Variants in RALYL observed in about 807,000 individuals in gnomAD.
RALYL encodes the protein RNA-binding Raly-like protein.
RALYL carries 29 observed loss-of-function variants against 35.1 expected under a neutral mutation model. The ratio of observed to expected loss-of-function variants is 0.83; its 90% confidence interval spans 0.61 to 1.13. RALYL has a LOEUF of 1.13. Among genes scored for constraint, RALYL ranks in the 50% most tolerant of loss-of-function variants. The probability of loss-of-function intolerance (pLI) is 0.00; values close to 1 mark genes in which losing one functional copy is unlikely to be tolerated. For synonymous variants in RALYL, 120 were observed against 127.6 expected, an observed-to-expected ratio of 0.94 and a Z score of 0.40; for missense variants, 359 against 360.4, an observed-to-expected ratio of 1.00 and a Z score of 0.03.
chr8:84,481,411 C>A (rs2054025901), intron 1 of RALYL, among the ~76,000 whole-genome samples: 2 of 152,134 alleles, frequency 1.3e-5, no homozygotes, highest in South Asian at 4.1e-4. Flanking sequence ...CTCACTGCAG[C>A]CTCAAATTCT....
intron 1 of RALYL, among the ~76,000 whole-genome samples, chr8:84,415,160 GTT>G (rs755615169): frequency 8.4e-5 from 7 of 83,004 alleles, no homozygotes; most frequent in Admixed American, 1.1e-4. Flanking sequence ...TTCTGCCTCT[GTT>G]TTTTTTTTTT....
rs1210820069 is a variant in RALYL, at chr8:84,508,697, A to G, written c.-23-20602A>G. 2.6e-5 allele frequency among the ~76,000 whole-genome samples: 4 copies of G among 152,008 alleles called. No homozygotes were observed. The East Asian group carries it at 5.8e-4, about 22-fold the overall frequency. On this transcript the variant is annotated intron_variant, in intron 1 of 8. Transcript: ENST00000521268. ...AAAAGATGAATTTTTCCAAGCGTTT[A>G]TGATTGGGTTTTATCAAAAAAAGTG...
At chr8:84,890,592 GAT>G (rs542586023) in intron 8 of RALYL, among the ~76,000 whole-genome samples, 41 of 152,264 alleles carry the variant, frequency 2.7e-4, no homozygotes, top group Non-Finnish European at 5.4e-4. Context: ...CATTCTGAGA[GAT>G]TCTGATTCAG....
At chr8:84,368,322 CTTAG>C (rs1460687846) in intron 1 of RALYL, among the ~76,000 whole-genome samples, 4 of 152,104 alleles carry the variant, frequency 2.6e-5, no homozygotes, top group South Asian at 4.1e-4. Flanking sequence ...TGTAGGGATA[CTTAG>C]TTATGTGATA....
chr8:84,637,409 A>T (rs183960274), intron 2 of RALYL, among the ~76,000 whole-genome samples: 3 of 151,928 alleles, frequency 2.0e-5, no homozygotes, highest in Non-Finnish European at 4.4e-5. Flanking sequence ...GAAGATTTTT[A>T]TGCATTTTCT....
intron 1 of RALYL, among the ~76,000 whole-genome samples, chr8:84,236,948 G>A (rs10958215): frequency 0.69 from 105,401 of 151,992 alleles, 36,721 homozygotes; most frequent in African/African-American, 0.76. Context: ...TAATTAGTAA[G>A]TAAATGTATT....
At chr8:84,690,255 A>T (rs1417917469) in intron 2 of RALYL, among the ~76,000 whole-genome samples, 1 of 152,194 alleles carries the variant, frequency 6.6e-6, no homozygotes, top group African/African-American at 2.4e-5. Flanking sequence ...AGAGGACATG[A>T]TGCTAAATTA....
At chr8:84,797,735 A>G (rs16913318) in intron 3 of RALYL, among the ~76,000 whole-genome samples, 2,293 of 152,348 alleles carry the variant, frequency 0.015, 59 homozygotes, top group African/African-American at 0.052. Flanking sequence ...TTTGGACACT[A>G]GCTTTGGCCT....
At chr8:84,387,779 G>A (rs1399842464) in intron 1 of RALYL, among the ~76,000 whole-genome samples, 2 of 150,448 alleles carry the variant, frequency 1.3e-5, no homozygotes, top group African/African-American at 2.5e-5. Context: ...TATTTGGGAA[G>A]GTGGTTCTTT....
At chr8:84,625,832 C>T (rs867906888) in intron 2 of RALYL, among the ~76,000 whole-genome samples, 1 of 152,086 alleles carries the variant, frequency 6.6e-6, no homozygotes, top group African/African-American at 2.4e-5. Context: ...AGAGCTGGAA[C>T]CTTAACCAGT....
In RALYL at chr8:84,350,326, C is replaced by T. The variant is rs1027658848; in HGVS notation, c.-24+165902C>T. On this transcript the variant is annotated intron_variant, in intron 1 of 8. Transcript: ENST00000521268. ...AAATGTGAATGCTTATAACAGTTTGCTATACTGCAAAACTGCAGAAATAGT... is the reference window on the plus strand; with the variant it reads ...AAATGTGAATGCTTATAACAGTTTGTTATACTGCAAAACTGCAGAAATAGT... Among the ~76,000 whole-genome samples, 21 of 150,516 alleles carry T rather than the reference C, an allele frequency of 1.4e-4. 2 individuals carry two copies. The highest frequency in any genetic ancestry group is 2.7e-4 in the Non-Finnish European group (18 of 67,744).
chr8:84,733,227 G>C, intron 2 of RALYL, among the ~76,000 whole-genome samples: 1 of 152,086 alleles, frequency 6.6e-6, no homozygotes, highest in East Asian at 1.9e-4. Context: ...AGCAGATATA[G>C]AGCAATAGGC....
At chr8:84,468,511 C>T (rs928535005) in intron 1 of RALYL, among the ~76,000 whole-genome samples, 6 of 149,826 alleles carry the variant, frequency 4.0e-5, no homozygotes, top group African/African-American at 1.2e-4. Flanking sequence ...GCCGAGAGAT[C>T]TGCTGTTAGT....
At chr8:84,273,199 C>A (rs915567010) in intron 1 of RALYL, among the ~76,000 whole-genome samples, 4 of 152,244 alleles carry the variant, frequency 2.6e-5, no homozygotes, top group African/African-American at 9.6e-5. Context: ...CATCCAGAGT[C>A]TAAGTGCTTC....
intron 1 of RALYL, among the ~76,000 whole-genome samples, chr8:84,443,478 C>T (rs1017484839): frequency 2.6e-5 from 4 of 152,134 alleles, no homozygotes; most frequent in Non-Finnish European, 4.4e-5. Flanking sequence ...TGATTGGATG[C>T]CTTGTCATGC....
intron 4 of RALYL, among the ~76,000 whole-genome samples, chr8:84,829,839 G>C (rs543576878): frequency 1.3e-5 from 2 of 152,038 alleles, no homozygotes; most frequent in African/African-American, 4.8e-5. Flanking sequence ...ACATAAACTT[G>C]CTGTTTGTTT....
intron 1 of RALYL, among the ~76,000 whole-genome samples, chr8:84,213,019 T>G (rs900220383): frequency 6.6e-6 from 1 of 152,206 alleles, no homozygotes; most frequent in Admixed American, 6.5e-5. Context: ...GAATTATCAT[T>G]GTTCTCTTTT....
At chr8:84,536,292 C>T (rs1481995380) in intron 2 of RALYL, among the ~76,000 whole-genome samples, 1 of 152,186 alleles carries the variant, frequency 6.6e-6, no homozygotes, top group Non-Finnish European at 1.5e-5. Flanking sequence ...ACCAAGATTA[C>T]TCAGAGGCTC....
intron 1 of RALYL, among the ~76,000 whole-genome samples, chr8:84,452,591 G>C (rs924026715): frequency 2.0e-5 from 3 of 151,922 alleles, no homozygotes; most frequent in African/African-American, 7.2e-5. Context: ...CCAACAGGTA[G>C]TACTCTTTAG....
Sources: allele counts gnomAD v4.1 joint callset (sites outside exome capture counted in the v4.1 genomes callset), GRCh38; gene constraint gnomAD v4.1.1; transcripts MANE v1.5; gene names NCBI Gene and HGNC (gene_info 2026-07-23, HGNC 2026-07-21).